The following NRXN3 variants were observed in gnomAD, a reference collection of about 807,000 sequenced individuals.
NRXN3 encodes the protein neurexin 3.
NRXN3 carries 32 observed loss-of-function variants against 137.6 expected under a neutral mutation model. The observed-to-expected ratio is 0.23, with a 90% CI of 0.18 to 0.31. The LOEUF is 0.31. NRXN3 is among the 10% of genes least tolerant of loss of function. The pLI is 1.00. For synonymous variants in NRXN3, 798 were observed against 784.5 expected, an observed-to-expected ratio of 1.02 and a Z score of -0.29; for missense variants, 1,574 against 2,062.5, an observed-to-expected ratio of 0.76 and a Z score of 4.59.
chr14:79,676,467 A>AAGTT lies in NRXN3; in HGVS notation c.3616+12520_3616+12523dup, dbSNP rs574850414. Among the ~76,000 whole-genome samples, 373 of 151,850 alleles carry AAGTT rather than the reference A, an allele frequency of 2.5e-3. 3 individuals are homozygous for AAGTT. Among genetic ancestry groups the AAGTT allele is most frequent in the African/African-American group, 8.5e-3 (353 of 41,418 alleles). On this transcript the variant is annotated intron_variant, in intron 17 of 20. Transcript: ENST00000335750. Reference sequence around the variant, plus strand: ...TTGTATAGTATTTTTTTTCTGTGCAAAGTTATAAGGGATGAATAAGTCTAG... The same window carrying AAGTT: ...TTGTATAGTATTTTTTTTCTGTGCAAAGTTAGTTATAAGGGATGAATAAGTCTAG...
chr14:78,954,758 C>A (rs984796465), intron 10 of NRXN3, among the ~76,000 whole-genome samples: 2 of 149,782 alleles, frequency 1.3e-5, no homozygotes, highest in African/African-American at 5.0e-5. Flanking sequence ...AGCCACTGCA[C>A]CTGGCCTGGT....
chr14:78,271,488 A>C (rs1344716032), intron 2 of NRXN3, among the ~76,000 whole-genome samples: 2 of 108,502 alleles, frequency 1.8e-5, no homozygotes, highest in Admixed American at 8.5e-5. Context: ...AAAAAAAAAA[A>C]AAACAAAAGG....
At chr14:78,572,200 A>C (rs1484553313) in intron 4 of NRXN3, among the ~76,000 whole-genome samples, 1 of 152,146 alleles carries the variant, frequency 6.6e-6, no homozygotes, top group Non-Finnish European at 1.5e-5. Flanking sequence ...GAGCTGCCTG[A>C]CTGCTCTTCT....
intron 20 of NRXN3, among the ~76,000 whole-genome samples, chr14:79,806,083 C>T (rs763468414): frequency 3.3e-4 from 50 of 152,076 alleles, no homozygotes; most frequent in Non-Finnish European, 1.6e-4. Flanking sequence ...CAGATATCAT[C>T]GAATTTCTGT....
At chr14:78,844,445 T>A (rs1186760912) in intron 10 of NRXN3, among the ~76,000 whole-genome samples, 1 of 152,128 alleles carries the variant, frequency 6.6e-6, no homozygotes, top group African/African-American at 2.4e-5. Flanking sequence ...TCACTAGACC[T>A]GAATTTAAGT....
intron 17 of NRXN3, among the ~76,000 whole-genome samples, chr14:79,679,725 A>G (rs1408721834): frequency 1.3e-5 from 2 of 152,210 alleles, no homozygotes; most frequent in East Asian, 1.9e-4. Context: ...CTAATATTCA[A>G]TACAGAGTAG....
intron 1 of NRXN3, among the ~76,000 whole-genome samples, chr14:78,220,503 TGTG>T (rs1321509994): frequency 6.6e-6 from 1 of 151,966 alleles, no homozygotes; most frequent in Non-Finnish European, 1.5e-5. Context: ...GTCAGGGACA[TGTG>T]GGGGCAGAAG....
At chr14:78,924,438 C>T (rs1196561930) in intron 10 of NRXN3, among the ~76,000 whole-genome samples, 1 of 152,104 alleles carries the variant, frequency 6.6e-6, no homozygotes, top group Non-Finnish European at 1.5e-5. Context: ...CCTAAGCTCC[C>T]ACTGACATAA....
chr14:78,900,826 A>T (rs1254708851), intron 10 of NRXN3, among the ~76,000 whole-genome samples: 3 of 151,978 alleles, frequency 2.0e-5, no homozygotes, highest in African/African-American at 7.2e-5. Context: ...TGTACTGCAT[A>T]TTGAATGCTT....
intron 15 of NRXN3, among the ~76,000 whole-genome samples, chr14:79,296,191 A>G (rs2084076468): frequency 6.6e-6 from 1 of 152,118 alleles, no homozygotes; most frequent in South Asian, 2.1e-4. Flanking sequence ...TTCTTTTACA[A>G]AAGGTGCTTA....
intron 15 of NRXN3, among the ~76,000 whole-genome samples, chr14:79,255,444 T>C (rs115809406): frequency 2.6e-5 from 4 of 152,202 alleles, no homozygotes; most frequent in Non-Finnish European, 4.4e-5. Flanking sequence ...GCCAGAGATA[T>C]TGGGTTCCAA....
chr14:79,169,500 C>T (rs2061581241), intron 15 of NRXN3, among the ~76,000 whole-genome samples: 1 of 152,084 alleles, frequency 6.6e-6, no homozygotes, highest in South Asian at 2.1e-4. Context: ...TATTTTTTCA[C>T]CTTTTCTTTC....
chr14:78,984,321 T>G (rs1421473816), intron 14 of NRXN3, among the ~76,000 whole-genome samples: 9 of 152,208 alleles, frequency 5.9e-5, no homozygotes, highest in African/African-American at 2.2e-4. Context: ...AACATAACAT[T>G]GTATCCCATA....
intron 2 of NRXN3, among the ~76,000 whole-genome samples, chr14:78,263,283 A>G (rs2071087895): frequency 6.6e-6 from 1 of 152,192 alleles, no homozygotes; most frequent in African/African-American, 2.4e-5. Flanking sequence ...CGTTTCCTTT[A>G]GGAGTAAAGT....
intron 5 of NRXN3, among the ~76,000 whole-genome samples, chr14:78,650,244 C>A (rs2097727504): frequency 6.6e-6 from 1 of 151,760 alleles, no homozygotes; most frequent in Non-Finnish European, 1.5e-5. Flanking sequence ...CTAATTTCTC[C>A]CCACCCTTTC....
intron 15 of NRXN3, among the ~76,000 whole-genome samples, chr14:79,450,044 C>G (rs1046539672): frequency 2.0e-5 from 3 of 149,962 alleles, no homozygotes; most frequent in Non-Finnish European, 4.5e-5. Flanking sequence ...GTCCTCTCCC[C>G]TGCATGCATT....
chr14:78,669,811 C>G, intron 6 of NRXN3, among the ~76,000 whole-genome samples: 1 of 151,926 alleles, frequency 6.6e-6, no homozygotes, highest in Admixed American at 6.6e-5. Flanking sequence ...TTGTCACCAT[C>G]TTGGTTTTGG....
At chr14:78,905,162 G>A (rs1037812896) in intron 10 of NRXN3, among the ~76,000 whole-genome samples, 3 of 152,006 alleles carry the variant, frequency 2.0e-5, no homozygotes, top group African/African-American at 7.2e-5. Context: ...GAAGTGTACT[G>A]TGCCTATTTC....
intron 4 of NRXN3, among the ~76,000 whole-genome samples, chr14:78,472,813 C>T (rs2095301596): frequency 6.6e-6 from 1 of 152,090 alleles, no homozygotes. Context: ...GGCTTGTCTC[C>T]ACTCCACACT....
Sources: allele counts gnomAD v4.1 joint callset (sites outside exome capture counted in the v4.1 genomes callset), GRCh38; gene constraint gnomAD v4.1.1; transcripts MANE v1.5; gene names NCBI Gene and HGNC (gene_info 2026-07-23, HGNC 2026-07-21).